The following CSMD1 variants were observed in gnomAD, a reference collection of about 807,000 sequenced individuals.
The protein encoded by CSMD1 is CUB and Sushi multiple domains 1, also known as CUB and sushi domain-containing protein 1.
Under a neutral mutation model 417.5 loss-of-function variants are expected in CSMD1, and 213 were observed. That is an observed-to-expected ratio of 0.51 (90% confidence interval 0.46 to 0.57). The LOEUF (loss-of-function observed/expected upper bound fraction) is 0.57, where lower values mean the gene tolerates loss of function less well. CSMD1 is among the 20% of genes least tolerant of loss of function. The pLI is 0.00. For missense variants in CSMD1, 6,923 were observed against 4,529.7 expected (o/e 1.53, Z -15.17); for synonymous variants, 2,862 against 1,736.8 (o/e 1.65, Z -16.11).
intron 49 of CSMD1, among the ~76,000 whole-genome samples, chr8:3,079,873 C>T (rs1450039208): frequency 6.6e-6 from 1 of 152,056 alleles, no homozygotes; most frequent in African/African-American, 2.4e-5. Context: ...GAGATACACA[C>T]AGACATATCC....
chr8:3,528,440 T>G (rs1384407062), intron 10 of CSMD1, among the ~76,000 whole-genome samples: 1 of 152,218 alleles, frequency 6.6e-6, no homozygotes, highest in Admixed American at 6.5e-5. Context: ...AGTCTAGCCA[T>G]GCCTGCTTCT....
intron 52 of CSMD1, among the ~76,000 whole-genome samples, chr8:3,000,551 T>C (rs1746317204): frequency 6.6e-6 from 1 of 152,112 alleles, no homozygotes. Flanking sequence ...GGGCTTCCAG[T>C]CAGATAGACT....
chr8:3,543,308 T>A (rs1156603336), intron 10 of CSMD1, among the ~76,000 whole-genome samples: 1 of 152,150 alleles, frequency 6.6e-6, no homozygotes, highest in East Asian at 1.9e-4. Flanking sequence ...ATAATTTATG[T>A]TTTTAGGGAG....
intron 1 of CSMD1, among the ~76,000 whole-genome samples, chr8:4,961,349 T>C (rs1476689827): frequency 2.0e-5 from 3 of 152,152 alleles, no homozygotes; most frequent in Non-Finnish European, 2.9e-5. Context: ...AAACATTCTT[T>C]CAACCTGACC....
chr8:4,725,352 C>G (rs891297202), intron 1 of CSMD1, among the ~76,000 whole-genome samples: 1 of 152,112 alleles, frequency 6.6e-6, no homozygotes, highest in Non-Finnish European at 1.5e-5. Flanking sequence ...AAAGTCCTAG[C>G]AAAATTAATT....
chr8:3,180,107 C>T lies in CSMD1; in HGVS notation c.5725+1003G>A, dbSNP rs138349719. On this transcript the variant is annotated intron_variant, in intron 37 of 69. Transcript: ENST00000635120. Reference sequence around the variant, plus strand: ...GCTTATTAAAGGAGATGAATATCAACGTTAAACATTTTTAGTGCTTGAAAA... The same window carrying T: ...GCTTATTAAAGGAGATGAATATCAATGTTAAACATTTTTAGTGCTTGAAAA... Among the ~76,000 whole-genome samples, 671 of 152,288 alleles carry T rather than the reference C, an allele frequency of 4.4e-3. 5 individuals are homozygous for T. Among genetic ancestry groups the T allele is most frequent in the African/African-American group, 0.015 (614 of 41,556 alleles).
At chr8:3,966,158 G>T (rs531997526) in intron 5 of CSMD1, among the ~76,000 whole-genome samples, 1 of 152,090 alleles carries the variant, frequency 6.6e-6, no homozygotes, top group African/African-American at 2.4e-5. Flanking sequence ...TCAGTTAATA[G>T]GACGGCAAAG....
At chr8:3,194,472 T>TTTA (rs1796593606) in intron 33 of CSMD1, among the ~76,000 whole-genome samples, 3 of 151,244 alleles carry the variant, frequency 2.0e-5, no homozygotes, top group Non-Finnish European at 2.9e-5. Context: ...TTCATTTCAT[T>TTTA]TTTGAGGTGG....
chr8:3,903,249 T>C (rs775124713), intron 5 of CSMD1, among the ~76,000 whole-genome samples: 1 of 152,146 alleles, frequency 6.6e-6, no homozygotes, highest in African/African-American at 2.4e-5. Context: ...GTCTCTGCCA[T>C]GTCGGGTCAG....
At chr8:3,727,902 C>T (rs1413984406) in intron 6 of CSMD1, among the ~76,000 whole-genome samples, 1 of 152,076 alleles carries the variant, frequency 6.6e-6, no homozygotes, top group South Asian at 2.1e-4. Flanking sequence ...TAATTAGATA[C>T]TTAGAGTAGT....
intron 46 of CSMD1, among the ~76,000 whole-genome samples, chr8:3,097,810 G>A (rs1344223448): frequency 6.6e-6 from 1 of 152,186 alleles, no homozygotes; most frequent in African/African-American, 2.4e-5. Flanking sequence ...AACGTTCGAT[G>A]TGATTGCTCG....
At chr8:3,499,373 A>G (rs140106202) in intron 10 of CSMD1, among the ~76,000 whole-genome samples, 2 of 152,024 alleles carry the variant, frequency 1.3e-5, no homozygotes, top group East Asian at 3.9e-4. Flanking sequence ...TTGGGGATAT[A>G]GAAGGTCACA....
chr8:3,716,982 T>C (rs774313812), intron 6 of CSMD1, among the ~76,000 whole-genome samples: 3 of 152,010 alleles, frequency 2.0e-5, no homozygotes, highest in Non-Finnish European at 4.4e-5. Flanking sequence ...TACAAAAAAA[T>C]AAAAAATTGA....
intron 52 of CSMD1, among the ~76,000 whole-genome samples, chr8:3,014,091 T>C (rs1245584409): frequency 6.6e-6 from 1 of 152,186 alleles, no homozygotes; most frequent in Non-Finnish European, 1.5e-5. Flanking sequence ...TTCTATTATA[T>C]TATTTTGTTT....
intron 3 of CSMD1, among the ~76,000 whole-genome samples, chr8:4,270,807 G>A (rs552182441): frequency 6.6e-5 from 10 of 152,120 alleles, no homozygotes; most frequent in Non-Finnish European, 1.2e-4. Context: ...CTCCTAGAAA[G>A]TTCCCTGCCG....
At chr8:4,100,386 T>C (rs1192690082) in intron 3 of CSMD1, among the ~76,000 whole-genome samples, 6 of 152,186 alleles carry the variant, frequency 3.9e-5, no homozygotes, top group Non-Finnish European at 5.9e-5. Context: ...TCCTTCCACC[T>C]TCCCTGTGTC....
At chr8:3,289,596 A>T (rs540418761) in intron 25 of CSMD1, among the ~76,000 whole-genome samples, 1 of 144,622 alleles carries the variant, frequency 6.9e-6, no homozygotes, top group Non-Finnish European at 1.5e-5. Context: ...GCATTTTTTC[A>T]TGTGTCTTTT....
At chr8:4,838,799 C>A (rs1244182516) in intron 1 of CSMD1, among the ~76,000 whole-genome samples, 2 of 152,192 alleles carry the variant, frequency 1.3e-5, no homozygotes, top group Non-Finnish European at 2.9e-5. Flanking sequence ...AACCGACAGA[C>A]ACTGGCTCCC....
rs1042768032 is a variant in CSMD1, at chr8:3,177,219, C to T, written c.5725+3891G>A. 2.9e-4 allele frequency among the ~76,000 whole-genome samples: 44 copies of T among 152,270 alleles called. 1 individual carries two copies. Among genetic ancestry groups the T allele is most frequent in the African/African-American group, 1.0e-3 (42 of 41,556 alleles). On this transcript the variant is annotated intron_variant, in intron 37 of 69. Transcript: ENST00000635120. ...CCAACTGTCGCAAGTGGAGCCTGGG[C>T]CTCGTGTGACTCTGGATGCAGACGC...
Sources: gnomAD v4.1 joint callset for allele counts (sites outside exome capture counted in the v4.1 genomes callset) on GRCh38, gnomAD v4.1.1 for gene constraint, MANE v1.5 for transcripts, NCBI Gene and HGNC (gene_info 2026-07-23, HGNC 2026-07-21) for gene names.